The following TRRAP variants were observed in gnomAD, a reference collection of about 807,000 sequenced individuals.
The protein encoded by TRRAP is transformation/transcription domain associated protein.
A neutral mutation model predicts 438.8 loss-of-function variants in TRRAP; 41 were observed. The observed-to-expected ratio is 0.09, with a 90% CI of 0.07 to 0.12. The LOEUF (loss-of-function observed/expected upper bound fraction) is 0.12, where lower values mean the gene tolerates loss of function less well. Ranked by LOEUF, TRRAP falls within the 10% of genes least tolerant of loss-of-function variation. The pLI is 1.00. For synonymous variants in TRRAP, 1,994 were observed against 1,962.9 expected, an observed-to-expected ratio of 1.02 and a Z score of -0.42; for missense variants, 3,122 against 5,055.1, an observed-to-expected ratio of 0.62 and a Z score of 11.60.
Position 98,984,938 on chromosome 7 carries a change from G to C in TRRAP, c.9289-6G>C, listed in dbSNP as rs374134490. On this transcript the variant is annotated splice_polypyrimidine_tract_variant and splice_region_variant and intron_variant, in intron 61 of 72. Coordinates refer to ENST00000456197, the MANE Select transcript of TRRAP (RefSeq NM_001375524.1). ...AACTTTTTTTCTGCTCATTTTTTTT[G>C]AACAGGGCCTTGAAGTTATTGAATC... 4.4e-6 allele frequency: 7 copies of C among 1,585,712 alleles called. No individual in the cohort carries two copies. Among genetic ancestry groups the C allele is most frequent in the South Asian group, 1.1e-5 (1 of 87,242 alleles).
chr7:99,011,755 G>C lies in TRRAP; in HGVS notation c.11337+220G>C, dbSNP rs549732681. On this transcript the variant is annotated intron_variant, in intron 72 of 72. Coordinates refer to ENST00000456197, the MANE Select transcript of TRRAP (RefSeq NM_001375524.1). This position sits in a 1 kb window ranked among gnomAD's most constrained non-coding sequence, Gnocchi z 7.1. Reference sequence around the variant, plus strand: ...CTTGGAACGGGCCTGCCTGACACTCGGCAGATGCCGGAAGGTGTCAAGTGA... The same window carrying C: ...CTTGGAACGGGCCTGCCTGACACTCCGCAGATGCCGGAAGGTGTCAAGTGA... 6.6e-6 allele frequency among the ~76,000 whole-genome samples: 1 copy of C among 152,350 alleles called. No individual in the cohort carries two copies. Among genetic ancestry groups the C allele is most frequent in the Non-Finnish European group, 1.5e-5 (1 of 68,046 alleles).
At chr7:98,887,055 C>G (rs778167192) in intron 3 of TRRAP, among the ~76,000 whole-genome samples, 3 of 152,156 alleles carry the variant, frequency 2.0e-5, no homozygotes, top group Admixed American at 6.5e-5. Context: ...CATGCACCAC[C>G]ATGCTCAGCT....
At position 98,950,931 on chromosome 7, in the gene TRRAP, G is replaced by A. The variant is rs782400696; in HGVS notation, c.5390G>A (p.Gly1797Glu). 71 of 1,609,044 alleles carry A rather than the reference G, an allele frequency of 4.4e-5. No individual in the cohort carries two copies. The highest frequency in any genetic ancestry group is 1.3e-5 in the African/African-American group (1 of 74,580). The change falls in exon 39 of 73, where the codon GGA becomes GAA. Residue 1797 changes from glycine to glutamate, a missense_variant. Physicochemically the swap from Gly to Glu is moderately conservative, Grantham distance 98. Coordinates refer to ENST00000456197, the MANE Select transcript of TRRAP (RefSeq NM_001375524.1). ...TTGTACAGCTTTGAGAAGGGGGAAG[G>A]AGAGCAGCTCTTGGGACCTCCCAAT... ...AFLYSFEKGE[G>E]EQLLGPPNPE...
chr7:98,953,690 T>C (rs1276034414), intron 40 of TRRAP, among the ~76,000 whole-genome samples: 1 of 152,176 alleles, frequency 6.6e-6, no homozygotes, highest in African/African-American at 2.4e-5. Context: ...AGTTTCTGCC[T>C]GGGAAGATGC....
Position 98,956,216 on chromosome 7 carries a change from C to T in TRRAP, c.6008C>T (p.Pro2003Leu). The T allele has an allele frequency of 6.2e-7, 1 of 1,613,796 alleles. No individual in the cohort carries two copies. The highest frequency in any genetic ancestry group is 8.5e-7 in the Non-Finnish European group (1 of 1,180,028). Residue 2003 changes from proline to leucine, a missense_variant, in exon 42 of 73, where the codon CCC (proline) becomes CTC (leucine). By Grantham distance (98) the Pro-to-Leu change is moderately conservative. This residue lies in a region of TRRAP where 992 missense variants were observed against 1,281.2 expected (regional missense o/e 0.77). Transcript: ENST00000456197. The surrounding 1 kb of genome is among the most constrained non-coding windows in gnomAD (Gnocchi z 4.5). ...GCCATGCAGAGGCTGGGCTTCACGC[C>T]CAGTGTCACCATCGAGCAGAGGCGG... ...VSAMQRLGFT[P>L]SVTIEQRRLA...
intron 67 of TRRAP, among the ~76,000 whole-genome samples, chr7:99,000,380 GC>G (rs1204439399): frequency 7.2e-5 from 11 of 152,202 alleles, no homozygotes; most frequent in African/African-American, 2.7e-4. Context: ...GACTGCCAAA[GC>G]CGGGTAACAG....
At position 98,909,013 on chromosome 7, in the gene TRRAP, G is replaced by A. The variant is rs575245871; in HGVS notation, c.1350+51G>A. The A allele has an allele frequency of 3.4e-6, 5 of 1,457,898 alleles. No homozygotes were observed. The South Asian group carries it at 5.5e-5, about 16-fold the overall frequency. The allele number at this position is 1,457,898 out of a possible 1,614,324, so 90.3% of individuals were successfully genotyped here. A position where few individuals can be genotyped will look rare whatever the true frequency, so the allele number is the denominator to read the frequency against. The stretch of plus-strand genomic sequence containing the variant: ...CCATCCTGCACTCTATCCTGTTTGT[G>A]GCTAAATTTTTTTTTTTTTTTTTTT... On this transcript the variant is annotated intron_variant, in intron 14 of 72. Transcript: ENST00000456197.
intron 47 of TRRAP, among the ~76,000 whole-genome samples, chr7:98,963,644 A>G (rs976143067): frequency 6.6e-6 from 1 of 152,164 alleles, no homozygotes; most frequent in Non-Finnish European, 1.5e-5. Context: ...ACTGTCATCA[A>G]GTGTCATGGG....
Position 98,962,290 on chromosome 7 carries a change from G to T in TRRAP, c.6704-12G>T, listed in dbSNP as rs1023114973. 4 of 1,614,060 alleles carry T rather than the reference G, an allele frequency of 2.5e-6. No homozygotes were observed. The highest frequency in any genetic ancestry group is 2.7e-5 in the African/African-American group (2 of 75,046). ...CCATAACCACAGTGCCTGGGTCCCTGCCCTGTTGTAGGTACTTCCAGTGTG... is the reference window on the plus strand; with the variant it reads ...CCATAACCACAGTGCCTGGGTCCCTTCCCTGTTGTAGGTACTTCCAGTGTG... On this transcript the variant is annotated splice_polypyrimidine_tract_variant and intron_variant, in intron 46 of 72. Coordinates refer to ENST00000456197, the MANE Select transcript of TRRAP (RefSeq NM_001375524.1).
Position 98,948,544 on chromosome 7 carries a change from A to G in TRRAP, c.4669-22A>G, listed in dbSNP as rs1756775640. ...CTGAGAAGAGGAAGTTGTGAGATGC[A>G]GCATTCCCACATGTTTTGCAGGCGG... On this transcript the variant is annotated intron_variant, in intron 34 of 72. Coordinates refer to ENST00000456197, the MANE Select transcript of TRRAP (RefSeq NM_001375524.1). The surrounding 1 kb of genome is among the most constrained non-coding windows in gnomAD (Gnocchi z 4.9). 1 of 1,614,066 alleles carries G rather than the reference A, an allele frequency of 6.2e-7. No individual in the cohort carries two copies. The highest frequency in any genetic ancestry group is 1.7e-5 in the Admixed American group (1 of 60,006).
chr7:99,010,177 C>T (rs891170997), intron 70 of TRRAP, among the ~76,000 whole-genome samples: 3 of 152,168 alleles, frequency 2.0e-5, no homozygotes, highest in South Asian at 2.1e-4. Flanking sequence ...TGAGCCACCA[C>T]GCCCAGCCCA....
chr7:98,915,800 G>C lies in TRRAP; in HGVS notation c.2277G>C (p.Leu759=). 6.2e-7 allele frequency: 1 copy of C among 1,614,218 alleles called. No homozygotes were observed. The highest frequency in any genetic ancestry group is 8.5e-7 in the Non-Finnish European group (1 of 1,180,042). The change falls in exon 19 of 73, where the codon CTG becomes CTC. Residue 759 remains leucine (L), a synonymous_variant. Coordinates refer to ENST00000456197, the MANE Select transcript of TRRAP (RefSeq NM_001375524.1). The part of the protein sequence containing the change: ...TAKEPYNYFL[L]LRALFRSIGG... ...AGGAACCCTACAACTACTTCTTGCTGCTACGGGCGCTGTTTCGCTCTATTG... is the reference window on the plus strand; with the variant it reads ...AGGAACCCTACAACTACTTCTTGCTCCTACGGGCGCTGTTTCGCTCTATTG...
intron 22 of TRRAP, among the ~76,000 whole-genome samples, chr7:98,926,674 T>C (rs1289825222): frequency 6.6e-6 from 1 of 151,854 alleles, no homozygotes; most frequent in Non-Finnish European, 1.5e-5. Context: ...AAATGATAAT[T>C]CGTGACCAAA....
chr7:99,001,471 G>C (rs1295001261), intron 67 of TRRAP, among the ~76,000 whole-genome samples: 1 of 152,182 alleles, frequency 6.6e-6, no homozygotes, highest in African/African-American at 2.4e-5. Flanking sequence ...ATCTTAAAAT[G>C]TCCACATTAT....
intron 52 of TRRAP, among the ~76,000 whole-genome samples, chr7:98,970,597 AT>A (rs5886090): frequency 0.3 from 43,944 of 147,146 alleles, 10,452 homozygotes; most frequent in African/African-American, 0.67. Context: ...GTTCAGCTAG[AT>A]TTTTTTTTTT....
At chr7:98,924,984 G>A (rs1191459507) in intron 21 of TRRAP, 128 bp from the exon 22 acceptor site, 13 of 1,303,896 alleles carry the variant, frequency 1.0e-5, no homozygotes, top group Admixed American at 8.9e-5. Flanking sequence ...CAGCCCAGGC[G>A]ACAGAGCGAG....
At chr7:98,980,113 T>C (rs1792846447) in intron 58 of TRRAP, among the ~76,000 whole-genome samples, 2 of 152,242 alleles carry the variant, frequency 1.3e-5, no homozygotes, top group African/African-American at 4.8e-5. Context: ...CCTTCCTGAA[T>C]TTCTTCTTCA....
At position 98,970,214 on chromosome 7, in the gene TRRAP, G is replaced by A; in HGVS notation, c.7615G>A (p.Asp2539Asn). Residue 2539 changes from aspartate (D) to asparagine (N), a missense_variant, in exon 52 of 73, where the codon GAC becomes AAC. By Grantham distance (23) the Asp-to-Asn change is conservative (BLOSUM62 1). Around this residue, in one of 24 missense-constraint regions of TRRAP, gnomAD observed 992 missense variants for 1,281.2 expected, o/e 0.77. Transcript: ENST00000456197. ...CGTCATCAACCTGGCCGATAGCCAC[G>A]ACCGTGCCGCCTTCGCCATGGTCAC... ...TNVINLADSHDRAAFAMVTHV... is the reference protein window; with the variant it reads ...TNVINLADSHNRAAFAMVTHV... The A allele has an allele frequency of 6.2e-7, 1 of 1,613,770 alleles. No homozygotes were observed.
Position 98,908,986 on chromosome 7 carries a change from A to C in TRRAP, c.1350+24A>C, listed in dbSNP as rs1796922155. The C allele has an allele frequency of 6.3e-7, 1 of 1,594,148 alleles. No individual in the cohort carries two copies. The highest frequency in any genetic ancestry group is 1.1e-5 in the South Asian group (1 of 89,164). ...AGGTACCAGCTCTTCTGAGAGTATC[A>C]TCCATCCTGCACTCTATCCTGTTTG... On this transcript the variant is annotated intron_variant, in intron 14 of 72. Coordinates refer to ENST00000456197, the MANE Select transcript of TRRAP (RefSeq NM_001375524.1). This position sits in a 1 kb window ranked among gnomAD's most constrained non-coding sequence, Gnocchi z 4.1.
Sources: gnomAD v4.1 joint callset for allele counts (sites outside exome capture counted in the v4.1 genomes callset) on GRCh38, gnomAD v4.1.1 for gene constraint, gnomAD v4.1.1 regional missense constraint, Gnocchi (gnomAD v3.1) non-coding constraint, MANE v1.5 for transcripts, NCBI Gene and HGNC (gene_info 2026-07-23, HGNC 2026-07-21) for gene names.